The following TNS1 variants were observed in gnomAD, a reference collection of about 807,000 sequenced individuals.
TNS1 encodes tensin-1.
In TNS1, 62 loss-of-function variants were observed where a neutral mutation model predicts 168.6. That is an observed-to-expected ratio of 0.37 (90% CI 0.30 to 0.45). TNS1 has a LOEUF of 0.45. Among genes scored for constraint, TNS1 ranks in the 20% least tolerant of loss-of-function variants. TNS1 has a pLI of 1.00. For missense variants in TNS1, 2,240 were observed against 2,339.4 expected (o/e 0.96, Z 0.88); for synonymous variants, 934 against 933.2 (o/e 1.00, Z -0.02).
Position 217,893,473 on chromosome 2 carries a change from G to A in TNS1, c.683C>T (p.Ala228Val), listed in dbSNP as rs747446380. The A allele has an allele frequency of 4.3e-6, 7 of 1,612,548 alleles. No homozygotes were observed. The East Asian group carries it at 1.6e-4, about 36-fold the overall frequency. ...TAGAACAACGACATTGTGAGGGTCT[G>A]CATTGAGCCATGTGTCCATGGCCTT... ...ICKAMDTWLN[A>V]DPHNVVVLHN... The change falls in exon 10 of 33, where the codon GCA (alanine) becomes GTA (valine). Residue 228 changes from alanine to valine, a missense_variant. This residue lies in a region of TNS1 where 2,131 missense variants were observed against 2,171.2 expected (regional missense o/e 0.98). Transcript: ENST00000682258.
At chr2:217,969,546 T>A (rs1957727762) in intron 3 of TNS1, among the ~76,000 whole-genome samples, 1 of 152,176 alleles carries the variant, frequency 6.6e-6, no homozygotes, top group Admixed American at 6.5e-5. Flanking sequence ...TGATAAGGAA[T>A]TTGTATCCTG....
chr2:217,929,361 G>A (rs1290789731), intron 3 of TNS1, among the ~76,000 whole-genome samples: 1 of 152,208 alleles, frequency 6.6e-6, no homozygotes, highest in Admixed American at 6.5e-5. Flanking sequence ...CTTCTTAGGA[G>A]CATGTGCTGA....
Position 218,002,970 on chromosome 2 carries a change from C to A in TNS1, c.-98G>T, listed in dbSNP as rs750389535. The A allele has an allele frequency of 5.5e-5, 25 of 454,658 alleles. No individual in the cohort carries two copies. The highest frequency in any genetic ancestry group is 3.4e-4 in the African/African-American group (17 of 50,102). The allele number at this position is 454,658 out of a possible 1,614,324, so 28.2% of individuals were successfully genotyped here. On this transcript the variant is annotated 5_prime_UTR_variant, in exon 1 of 33. Coordinates refer to ENST00000682258, the MANE Select transcript of TNS1 (RefSeq NM_001387777.1). The stretch of plus-strand genomic sequence containing the variant: ...CTGGCAGAAGGGCTCTCTGAGTCCG[C>A]GGCTGCTCCGGCTCCGCCAGCATCT...
intron 18 of TNS1, among the ~76,000 whole-genome samples, chr2:217,876,134 T>G (rs531775481): frequency 6.6e-6 from 1 of 151,778 alleles, no homozygotes; most frequent in African/African-American, 2.4e-5. Flanking sequence ...CACAGAAAGG[T>G]GGGGGGTGGA....
intron 3 of TNS1, among the ~76,000 whole-genome samples, chr2:217,966,317 G>A (rs984336087): frequency 9.2e-5 from 14 of 151,490 alleles, no homozygotes; most frequent in East Asian, 1.9e-4. Context: ...GTGCGCGCGC[G>A]CGCGTGTGTA....
rs72951913 is a variant in TNS1, at chr2:217,936,413, A to C, written c.187-16177T>G. ...GCCTGAAAGATCTCCCAGGAAGGAGATTTCAGGGGCCTCCTTGGCCTCCCA... is the reference window on the plus strand; with the variant it reads ...GCCTGAAAGATCTCCCAGGAAGGAGCTTTCAGGGGCCTCCTTGGCCTCCCA... On this transcript the variant is annotated intron_variant, in intron 3 of 32. Coordinates refer to ENST00000682258, the MANE Select transcript of TNS1 (RefSeq NM_001387777.1). Among the ~76,000 whole-genome samples the C allele has an allele frequency of 6.0e-3, 915 of 152,064 alleles. 6 individuals are homozygous for C. The highest frequency in any genetic ancestry group is 9.0e-3 in the Non-Finnish European group (611 of 67,958).
chr2:217,885,194 G>A (rs1296887342), intron 15 of TNS1, 30 bp from the exon 16 acceptor site: 1 of 1,613,826 alleles, frequency 6.2e-7, no homozygotes, highest in African/African-American at 1.3e-5. Flanking sequence ...GAACCAGTCA[G>A]GGGCCTGAGG....
chr2:217,980,495 C>CTA (rs1243012702), intron 2 of TNS1, among the ~76,000 whole-genome samples: 2 of 129,706 alleles, frequency 1.5e-5, no homozygotes, highest in Non-Finnish European at 3.2e-5. Context: ...TCTCTCTCTC[C>CTA]TACACACACA....
rs768941842 is a variant in TNS1, at chr2:217,885,801, G to T, written c.1059C>A (p.Ser353Arg). The T allele has an allele frequency of 6.2e-7, 1 of 1,614,144 alleles. No homozygotes were observed. The highest frequency in any genetic ancestry group is 8.5e-7 in the Non-Finnish European group (1 of 1,180,002). Residue 353 changes from serine (S) to arginine (R), a missense_variant, in exon 15 of 33, where the codon AGC becomes AGA. Around this residue, in one of 2 missense-constraint regions of TNS1, gnomAD observed 2,131 missense variants for 2,171.2 expected, o/e 0.98. Coordinates refer to ENST00000682258, the MANE Select transcript of TNS1 (RefSeq NM_001387777.1). ...CGATGGTGATGCAGACGCTAGTCTGGCTGTCTCCTGGGATGTTGCTAAGGG... is the reference window on the plus strand; with the variant it reads ...CGATGGTGATGCAGACGCTAGTCTGTCTGTCTCCTGGGATGTTGCTAAGGG... ...TSGIYNIPGD[S>R]QTSVCITIEP...
chr2:217,877,262 G>A (rs906285323), intron 18 of TNS1, among the ~76,000 whole-genome samples: 1 of 152,120 alleles, frequency 6.6e-6, no homozygotes, highest in East Asian at 1.9e-4. Context: ...TCATCATTAG[G>A]GCTTCAGAAA....
intron 3 of TNS1, among the ~76,000 whole-genome samples, chr2:217,946,481 T>C (rs1957107727): frequency 6.6e-6 from 1 of 152,228 alleles, no homozygotes; most frequent in South Asian, 2.1e-4. Context: ...AATCAGTTCA[T>C]GATTGAATCA....
At chr2:217,919,151 C>T (rs1955451066) in intron 4 of TNS1, among the ~76,000 whole-genome samples, 1 of 152,208 alleles carries the variant, frequency 6.6e-6, no homozygotes, top group Admixed American at 6.5e-5. Context: ...ATCTCCACAG[C>T]AAGGAAAATT....
chr2:217,816,668 C>T (rs1449088763), intron 24 of TNS1, among the ~76,000 whole-genome samples: 2 of 152,114 alleles, frequency 1.3e-5, no homozygotes, highest in Non-Finnish European at 2.9e-5. Context: ...CTATTTTAAG[C>T]AGGGAAGATG....
chr2:218,015,532 T>C (rs1445717477), intron 1 of TNS1, among the ~76,000 whole-genome samples: 3 of 152,120 alleles, frequency 2.0e-5, no homozygotes, highest in South Asian at 4.1e-4. Context: ...TCCAGACCAT[T>C]TCCTCTTAGT....
chr2:217,805,726 C>CACACACATCACCACA lies in TNS1; in HGVS notation c.5376-1124_5376-1123insTGTGGTGATGTGTGT. 3.3e-5 allele frequency among the ~76,000 whole-genome samples: 3 copies of CACACACATCACCACA among 91,786 alleles called. No homozygotes were observed. In the Admixed American group the frequency reaches 3.3e-4, roughly 10 times the overall value. The allele number at this position is 91,786 out of a possible 152,430, so 60.2% of individuals were successfully genotyped here. ...ACATGCATACACCACACACACACCA[C>CACACACATCACCACA]TGCACACACCACACATACCACCACA... On this transcript the variant is annotated intron_variant, in intron 32 of 32. Coordinates refer to ENST00000682258, the MANE Select transcript of TNS1 (RefSeq NM_001387777.1).
intron 19 of TNS1, 55 bp downstream of exon 19, chr2:217,847,455 C>A (rs920975444): frequency 5.8e-6 from 8 of 1,370,530 alleles, no homozygotes; most frequent in Non-Finnish European, 5.7e-6. Flanking sequence ...GCACCTCCCC[C>A]CAGCAAGACC....
chr2:217,878,508 G>T (rs1950398335), intron 18 of TNS1, among the ~76,000 whole-genome samples: 1 of 152,166 alleles, frequency 6.6e-6, no homozygotes, highest in Non-Finnish European at 1.5e-5. Context: ...TCATAGAATG[G>T]CTGGGAGCAT....
chr2:217,909,745 G>C (rs761604356), intron 4 of TNS1, among the ~76,000 whole-genome samples: 2 of 152,134 alleles, frequency 1.3e-5, no homozygotes, highest in Non-Finnish European at 2.9e-5. Flanking sequence ...CTCGGAATCA[G>C]CTTGGGAGCA....
rs58953604 is a variant in TNS1 at position 217,963,889 on chromosome 2, C to CAAAAAAAAA, written c.186+14867_186+14875dup. Among the ~76,000 whole-genome samples, 203 of 126,370 alleles carry CAAAAAAAAA rather than the reference C, an allele frequency of 1.6e-3. 3 individuals are homozygous for CAAAAAAAAA. Among genetic ancestry groups the CAAAAAAAAA allele is most frequent in the Admixed American group, 2.6e-3 (32 of 12,494 alleles). 82.9% of individuals were successfully genotyped at this position (126,370 alleles called of 152,430 possible). A position where few individuals can be genotyped will look rare whatever the true frequency, so the allele number is the denominator to read the frequency against. ...TGAAACCCCATCTCTACTAAAAATACAAAAAAAAAAAAAAAATTAGTCGGG... is the reference window on the plus strand; with the variant it reads ...TGAAACCCCATCTCTACTAAAAATACAAAAAAAAAAAAAAAAAAAAAAAAATTAGTCGGG... On this transcript the variant is annotated intron_variant, in intron 3 of 32. Transcript: ENST00000682258.
Sources: gnomAD v4.1 joint callset for allele counts (sites outside exome capture counted in the v4.1 genomes callset) on GRCh38, gnomAD v4.1.1 for gene constraint, gnomAD v4.1.1 regional missense constraint, MANE v1.5 for transcripts, NCBI Gene and HGNC (gene_info 2026-07-23, HGNC 2026-07-21) for gene names.